Variants in CCDC18 observed in about 807,000 individuals in gnomAD.
CCDC18 encodes coiled-coil domain-containing protein 18.
A neutral mutation model predicts 196.0 loss-of-function variants in CCDC18; 157 were observed. The observed-to-expected ratio is 0.80, with a 90% CI of 0.70 to 0.91. The LOEUF (loss-of-function observed/expected upper bound fraction) is 0.91. CCDC18 is among the 40% of genes least tolerant of loss of function. CCDC18 has a pLI of 0.00. For missense variants in CCDC18, 1,465 were observed against 1,611.6 expected, an observed-to-expected ratio of 0.91 and a Z score of 1.56; for synonymous variants, 482 against 529.2, an observed-to-expected ratio of 0.91 and a Z score of 1.22.
At chr1:93,271,314 C>T in intron 28 of CCDC18, 1 of 985,278 alleles carries the variant, frequency 1.0e-6, no homozygotes, top group South Asian at 4.7e-5. Context: ...TGTCCTCATC[C>T]TTATAATTTT....
At chr1:93,259,468 T>A (rs1663475016) in intron 26 of CCDC18, among the ~76,000 whole-genome samples, 1 of 152,186 alleles carries the variant, frequency 6.6e-6, no homozygotes, top group Non-Finnish European at 1.5e-5. Context: ...ACCCAAAATC[T>A]CTGTATATGA....
At chr1:93,196,143 T>TGA (rs1310332979) in intron 6 of CCDC18, among the ~76,000 whole-genome samples, 3 of 152,038 alleles carry the variant, frequency 2.0e-5, no homozygotes, top group Non-Finnish European at 4.4e-5. Context: ...GGCAACATGG[T>TGA]GAAACCCCAT....
intron 23 of CCDC18, among the ~76,000 whole-genome samples, chr1:93,252,783 T>C (rs1053759387): frequency 2.6e-5 from 4 of 152,246 alleles, no homozygotes; most frequent in African/African-American, 7.2e-5. Flanking sequence ...CTTCCAGGAA[T>C]TTAAGCAAAC....
intron 23 of CCDC18, among the ~76,000 whole-genome samples, chr1:93,252,808 C>T (rs1014440877): frequency 6.6e-6 from 1 of 152,156 alleles, no homozygotes; most frequent in Non-Finnish European, 1.5e-5. Context: ...TTTTGTGTTC[C>T]CTGAGGCTGT....
chr1:93,207,505 AT>A (rs1358312853), intron 9 of CCDC18, 107 bp downstream of exon 9: 25 of 773,240 alleles, frequency 3.2e-5, no homozygotes, highest in Non-Finnish European at 4.8e-5. Flanking sequence ...CTTTTTCTCT[AT>A]ACTTTTAGTC....
At chr1:93,200,019 C>G (rs965854518) in intron 6 of CCDC18, 3 of 152,350 alleles carry the variant, frequency 2.0e-5, no homozygotes, top group Admixed American at 6.5e-5. Flanking sequence ...GGGTCTTGCT[C>G]TGTCACCCAG....
intron 14 of CCDC18, among the ~76,000 whole-genome samples, chr1:93,218,429 G>A (rs1044914527): frequency 6.6e-6 from 1 of 151,962 alleles, no homozygotes; most frequent in Non-Finnish European, 1.5e-5. Flanking sequence ...TCGACCAATT[G>A]TAACAAAATA....
At chr1:93,231,595 G>A (rs1370050852) in intron 17 of CCDC18, among the ~76,000 whole-genome samples, 10 of 151,954 alleles carry the variant, frequency 6.6e-5, no homozygotes, top group African/African-American at 2.2e-4. Context: ...AATTTCTGCT[G>A]GCATATTTTT....
intron 23 of CCDC18, among the ~76,000 whole-genome samples, chr1:93,254,173 C>A (rs1314632386): frequency 1.3e-5 from 2 of 151,960 alleles, no homozygotes; most frequent in Non-Finnish European, 2.9e-5. Flanking sequence ...AAATTTCAAT[C>A]GCTTTTGGGG....
chr1:93,192,136 T>A, intron 5 of CCDC18, 30 bp downstream of exon 5: 1 of 1,383,364 alleles, frequency 7.2e-7, no homozygotes, highest in Non-Finnish European at 1.0e-6. Flanking sequence ...CTCTCAAAGT[T>A]TTATTTTCTA....
intron 21 of CCDC18, among the ~76,000 whole-genome samples, chr1:93,242,998 C>T (rs555885724): frequency 6.6e-6 from 1 of 152,310 alleles, no homozygotes; most frequent in African/African-American, 2.4e-5. Flanking sequence ...TTTCCAGGCT[C>T]ATGGTGCAAG....
At position 93,262,771 on chromosome 1, in the gene CCDC18, G is replaced by A. The variant is rs1223643485; in HGVS notation, c.3685-1930G>A. On this transcript the variant is annotated intron_variant, in intron 26 of 28. Coordinates refer to ENST00000690025, the MANE Select transcript of CCDC18 (RefSeq NM_001378204.1). ...TTACAGCTCCACTACCCAGTGCCCCGGTGGGGACTCTGTGTGGGGGCTCCA... is the reference window on the plus strand; with the variant it reads ...TTACAGCTCCACTACCCAGTGCCCCAGTGGGGACTCTGTGTGGGGGCTCCA... 3.9e-5 allele frequency among the ~76,000 whole-genome samples: 6 copies of A among 152,230 alleles called. No individual in the cohort carries two copies. In the South Asian group the frequency reaches 1.0e-3, roughly 26 times the overall value.
At chr1:93,234,984 T>G (rs1659868295) in intron 18 of CCDC18, among the ~76,000 whole-genome samples, 2 of 145,510 alleles carry the variant, frequency 1.4e-5, no homozygotes, top group African/African-American at 5.1e-5. Flanking sequence ...GCTTTTCTTT[T>G]TTTTTCTTTT....
intron 28 of CCDC18, chr1:93,271,329 C>G (rs1359698205): frequency 1.0e-6 from 1 of 984,776 alleles, no homozygotes; most frequent in Non-Finnish European, 1.2e-6. Context: ...AATTTTTCAC[C>G]CTAAAATATT....
intron 14 of CCDC18, among the ~76,000 whole-genome samples, chr1:93,219,943 G>T (rs79611846): frequency 0.032 from 4,819 of 152,234 alleles, 120 homozygotes; most frequent in South Asian, 0.062. Context: ...GGACCTGGAA[G>T]ATCTGATATT....
At chr1:93,248,972 CAAAA>C (rs71586786) in intron 23 of CCDC18, among the ~76,000 whole-genome samples, 13 of 95,736 alleles carry the variant, frequency 1.4e-4, no homozygotes, top group Admixed American at 2.1e-4. Flanking sequence ...AACCCTGTCT[CAAAA>C]AAAAAAAAAA....
chr1:93,264,116 A>G (rs1432339331), intron 26 of CCDC18, among the ~76,000 whole-genome samples: 5 of 151,978 alleles, frequency 3.3e-5, no homozygotes, highest in Non-Finnish European at 1.5e-5. Context: ...GGGAGACAAG[A>G]GAGCAAGAGG....
chr1:93,267,143 C>T lies in CCDC18; in HGVS notation c.3885+2242C>T, dbSNP rs560606471. Among the ~76,000 whole-genome samples the T allele has an allele frequency of 2.9e-4, 44 of 152,216 alleles. No homozygotes were observed. The East Asian group carries it at 7.3e-3, about 25-fold the overall frequency. On this transcript the variant is annotated intron_variant, in intron 27 of 28. Transcript: ENST00000690025. ...TGGGATGCATGGCTGGTTCAACATA[C>T]GCAAATCAATAAATGTAATCCATCA...
intron 5 of CCDC18, among the ~76,000 whole-genome samples, chr1:93,192,420 G>A (rs1238414742): frequency 2.6e-5 from 4 of 152,178 alleles, no homozygotes; most frequent in African/African-American, 9.7e-5. Flanking sequence ...GAAATAAAAT[G>A]TAAAGGAGTC....
Sources: allele counts gnomAD v4.1 joint callset (sites outside exome capture counted in the v4.1 genomes callset), GRCh38; gene constraint gnomAD v4.1.1; transcripts MANE v1.5; gene names NCBI Gene and HGNC (gene_info 2026-07-23, HGNC 2026-07-21).